Variants in SELENOO observed in about 807,000 individuals in gnomAD.
SELENOO encodes protein adenylyltransferase SelO, mitochondrial.
A neutral mutation model predicts 58.7 loss-of-function variants in SELENOO; 74 were observed. That is an observed-to-expected ratio of 1.26 (90% CI 1.04 to 1.53). SELENOO has a LOEUF of 1.53. Ranked by LOEUF, SELENOO falls within the 40% of genes most tolerant of loss-of-function variation. The pLI, the probability that SELENOO is intolerant of heterozygous loss-of-function variation, is 0.00. For synonymous variants in SELENOO, 543 were observed against 453.2 expected, an observed-to-expected ratio of 1.20 and a Z score of -2.52; for missense variants, 1,149 against 970.0, an observed-to-expected ratio of 1.18 and a Z score of -2.45.
chr22:50,211,387 C>T (rs1602493665), intron 5 of SELENOO, among the ~76,000 whole-genome samples: 1 of 152,052 alleles, frequency 6.6e-6, no homozygotes, highest in East Asian at 1.9e-4. Flanking sequence ...ATTGCTGGGT[C>T]GTGTGGGTGA....
intron 3 of SELENOO, 189 bp downstream of exon 3, chr22:50,208,905 C>T: frequency 1.7e-6 from 1 of 574,730 alleles, no homozygotes. Flanking sequence ...TGAAACTCCC[C>T]TGGGCTCCGT....
rs2064426530 is a variant in SELENOO, at chr22:50,217,251, C to CG, written c.1897dup (p.Ala633GlyfsTer23). 6.2e-7 allele frequency: 1 copy of CG among 1,611,224 alleles called. No individual in the cohort carries two copies. The highest frequency in any genetic ancestry group is 8.5e-7 in the Non-Finnish European group (1 of 1,179,230). On this transcript the variant is annotated frameshift_variant, in exon 9 of 9. Transcript: ENST00000380903. LOFTEE classifies it low-confidence loss of function (END_TRUNC). Reference sequence around the variant, plus strand: ...CTGGAGACCCCTTACCACTGCGAGGCGGGGGCCGCCACAGACGCCGAGGCC... The same window carrying CG: ...CTGGAGACCCCTTACCACTGCGAGGCGGGGGGCCGCCACAGACGCCGAGGCC...
chr22:50,216,785 GTGGAGCAGCAGTCTCGGC>G lies in SELENOO; in HGVS notation c.1607_1624del (p.Gln536_Gln541del), dbSNP rs2064416731. The G allele has an allele frequency of 3.1e-6, 5 of 1,609,272 alleles. No homozygotes were observed. The highest frequency in any genetic ancestry group is 1.1e-5 in the South Asian group (1 of 90,980). On this transcript the variant is annotated inframe_deletion, in exon 7 of 9. Transcript: ENST00000380903. Reference sequence around the variant, plus strand: ...AGGCATCGCCAGGGAGCTGGAGCGTGTGGAGCAGCAGTCTCGGCTGGAGCAGCTGAGTGCGGCAGAGCT... The same window carrying G: ...AGGCATCGCCAGGGAGCTGGAGCGTGTGGAGCAGCTGAGTGCGGCAGAGCT...
At chr22:50,214,285 G>A (rs2064391177) in intron 5 of SELENOO, among the ~76,000 whole-genome samples, 1 of 152,202 alleles carries the variant, frequency 6.6e-6, no homozygotes, top group African/African-American at 2.4e-5. Context: ...GGGATTACAG[G>A]GGTGAGCACC....
At chr22:50,212,170 A>G (rs2147164443) in intron 5 of SELENOO, among the ~76,000 whole-genome samples, 1 of 152,300 alleles carries the variant, frequency 6.6e-6, no homozygotes, top group South Asian at 2.1e-4. Flanking sequence ...AGGTATGCGC[A>G]CATCTTCCAT....
At chr22:50,216,632 G>A (rs1262301922) in intron 6 of SELENOO, 59 bp from the exon 7 acceptor site, 30 of 1,473,636 alleles carry the variant, frequency 2.0e-5, no homozygotes, top group Non-Finnish European at 2.6e-5. Context: ...CGGAGCAGCT[G>A]CCTGCAGGGC....
rs761227143 is a variant in SELENOO, at chr22:50,217,085, C to T, written c.1802C>T (p.Ala601Val). ...AAGTACGTGCTGAGGAACTACATCG[C>T]GCAGAATGCCATCGAGGCTGCCGAG... ...NPKYVLRNYIAQNAIEAAERG... is the reference protein window; with the variant it reads ...NPKYVLRNYIVQNAIEAAERG... Residue 601 changes from alanine to valine, a missense_variant, in exon 8 of 9, where the codon GCG becomes GTG. By Grantham distance (64) the Ala-to-Val change is moderately conservative. Coordinates refer to ENST00000380903, the MANE Select transcript of SELENOO (RefSeq NM_031454.2). The T allele has an allele frequency of 2.7e-5, 43 of 1,612,844 alleles. No homozygotes were observed. The highest frequency in any genetic ancestry group is 8.0e-5 in the African/African-American group (6 of 74,932).
At chr22:50,215,900 T>G in intron 6 of SELENOO, 33 bp downstream of exon 6, 1 of 1,560,620 alleles carries the variant, frequency 6.4e-7, no homozygotes, top group Non-Finnish European at 8.7e-7. Context: ...TTTGGATTTG[T>G]TTCCAGAAAA....
At position 50,206,406 on chromosome 22, in the gene SELENOO, G is replaced by T. The variant is rs371895158; in HGVS notation, c.644G>T (p.Arg215Leu). 2 of 1,614,168 alleles carry T rather than the reference G, an allele frequency of 1.2e-6. No homozygotes were observed. Among genetic ancestry groups the T allele is most frequent in the East Asian group, 4.5e-5 (2 of 44,890 alleles). ...TTCCACCTGGGAGTCCCCACCACAC[G>T]GGCCGGCGCCTGCGTCACGTCCGAG... ...AMFHLGVPTT[R>L]AGACVTSEST... The change falls in exon 2 of 9, where the codon CGG becomes CTG. Residue 215 changes from arginine to leucine, a missense_variant. Physicochemically the swap from Arg to Leu is moderately radical, Grantham distance 102 (BLOSUM62 -2). Coordinates refer to ENST00000380903, the MANE Select transcript of SELENOO (RefSeq NM_031454.2).
At chr22:50,202,416 GTGTC>G (rs1274339951) in intron 1 of SELENOO, among the ~76,000 whole-genome samples, 1 of 151,916 alleles carries the variant, frequency 6.6e-6, no homozygotes, top group East Asian at 1.9e-4. Flanking sequence ...GTTCTGTTCT[GTGTC>G]TGAGGGCAAC....
At chr22:50,206,198 C>T (rs1049898064) in intron 1 of SELENOO, 119 bp from the exon 2 acceptor site, 2 of 836,740 alleles carry the variant, frequency 2.4e-6, no homozygotes, top group Non-Finnish European at 3.8e-6. Context: ...GGGCGGTTTT[C>T]AGGGACGTGC....
intron 5 of SELENOO, 123 bp from the exon 6 acceptor site, chr22:50,215,594 G>A: frequency 2.7e-6 from 2 of 744,734 alleles, no homozygotes; most frequent in Admixed American, 2.6e-5. Context: ...GGCGGTGGTG[G>A]AGCATGTGGG....
chr22:50,213,155 G>A (rs571112330), intron 5 of SELENOO, among the ~76,000 whole-genome samples: 3 of 152,242 alleles, frequency 2.0e-5, no homozygotes, highest in Admixed American at 6.5e-5. Flanking sequence ...CCGCCTCCCA[G>A]GCTCAAGTGG....
At position 50,215,725 on chromosome 22, in the gene SELENOO, T is replaced by C. The variant is rs1271075769; in HGVS notation, c.1360T>C (p.Phe454Leu). ...AGCAGCCTGTGTTCCAGGTGCCGAC[T>C]TCACAAACACCTTCTACTTGCTGAG... is the stretch of plus-strand genomic sequence containing the variant. ...LETMHLTGAD[F>L]TNTFYLLSSF... Residue 454 changes from phenylalanine (F) to leucine (L), a missense_variant, in exon 6 of 9, where the codon TTC becomes CTC. Transcript: ENST00000380903. 6.3e-7 allele frequency: 1 copy of C among 1,593,242 alleles called. No homozygotes were observed. The highest frequency in any genetic ancestry group is 8.6e-7 in the Non-Finnish European group (1 of 1,164,688).
At chr22:50,202,153 C>T (rs950623303) in intron 1 of SELENOO, among the ~76,000 whole-genome samples, 3 of 152,234 alleles carry the variant, frequency 2.0e-5, no homozygotes, top group Non-Finnish European at 4.4e-5. Context: ...TGGGTCTGTT[C>T]TGCTCTTTTC....
intron 5 of SELENOO, among the ~76,000 whole-genome samples, chr22:50,212,516 C>G (rs1240662367): frequency 1.3e-5 from 2 of 152,218 alleles, no homozygotes; most frequent in African/African-American, 4.8e-5. Context: ...CACCGCACAT[C>G]ACAGCTGACG....
Position 50,201,125 on chromosome 22 carries a change from G to T in SELENOO, c.89G>T (p.Arg30Leu). The T allele has an allele frequency of 7.6e-7, 1 of 1,323,724 alleles. No homozygotes were observed. Among genetic ancestry groups the T allele is most frequent in the Non-Finnish European group, 9.6e-7 (1 of 1,039,856 alleles). 82.0% of individuals were successfully genotyped at this position (1,323,724 alleles called of 1,614,324 possible). A position where few individuals can be genotyped will look rare whatever the true frequency, so the allele number is the denominator to read the frequency against. ...LGRCSPSPAP[R>L]STLSGAAMEP... ...CGCTGTTCCCCGTCGCCGGCGCCCC[G>T]CTCTACGTTGTCGGGCGCCGCCATG... The change falls in exon 1 of 9, where the codon CGC becomes CTC. Residue 30 changes from arginine (R) to leucine (L), a missense_variant. By Grantham distance (102) the Arg-to-Leu change is moderately radical (BLOSUM62 -2). Coordinates refer to ENST00000380903, the MANE Select transcript of SELENOO (RefSeq NM_031454.2).
In SELENOO at chr22:50,206,461, T is replaced by C. The variant is rs749704495; in HGVS notation, c.699T>C (p.Asp233=). 6.2e-7 allele frequency: 1 copy of C among 1,614,212 alleles called. No homozygotes were observed. The highest frequency in any genetic ancestry group is 1.7e-5 in the Admixed American group (1 of 60,028). The change falls in exon 2 of 9, where the codon GAT becomes GAC. Residue 233 remains aspartate (D), a synonymous_variant. Transcript: ENST00000380903. ...ESTVVRDVFY[D]GNPKYEQCTV... is the part of the protein sequence containing the mutation. ...CGGTGGTGCGCGACGTGTTCTATGA[T>C]GGTAATCCCAAATATGAACAATGCA...
Position 50,206,298 on chromosome 22 carries a change from A to C in SELENOO, c.555-19A>C. 1 of 1,611,612 alleles carries C rather than the reference A, an allele frequency of 6.2e-7. No individual in the cohort carries two copies. The highest frequency in any genetic ancestry group is 8.5e-7 in the Non-Finnish European group (1 of 1,178,946). Reference sequence around the variant, plus strand: ...ACCTCCTGACCGGCCCACGTAGTGAACTCTGTGTTTGGTTTCAGACAGGCC... The same window carrying C: ...ACCTCCTGACCGGCCCACGTAGTGACCTCTGTGTTTGGTTTCAGACAGGCC... On this transcript the variant is annotated intron_variant, in intron 1 of 8. Transcript: ENST00000380903.
Sources: allele counts gnomAD v4.1 joint callset (sites outside exome capture counted in the v4.1 genomes callset), GRCh38; gene constraint gnomAD v4.1.1; transcripts MANE v1.5; gene names NCBI Gene and HGNC (gene_info 2026-07-23, HGNC 2026-07-21).